ALDH4A1: variants seen among roughly 807,000 people sequenced by gnomAD.
ALDH4A1 encodes the protein delta-1-pyrroline-5-carboxylate dehydrogenase, mitochondrial.
Under a neutral mutation model 70.5 loss-of-function variants are expected in ALDH4A1, and 46 were observed. The observed-to-expected ratio is 0.65, with a 90% CI of 0.51 to 0.83. The LOEUF (loss-of-function observed/expected upper bound fraction) is 0.83. ALDH4A1 is among the 40% of genes least tolerant of loss of function. ALDH4A1 has a pLI of 0.00. For missense variants in ALDH4A1, 749 were observed against 766.5 expected (o/e 0.98, Z 0.27); for synonymous variants, 323 against 324.3 (o/e 1.00, Z 0.04).
In ALDH4A1 at chr1:18,884,767, A is replaced by G. The variant is rs72936439; in HGVS notation, c.453+706T>C. Among the ~76,000 whole-genome samples the G allele has an allele frequency of 9.0e-3, 1,369 of 152,362 alleles. 21 individuals carry two copies. The highest frequency in any genetic ancestry group is 0.031 in the African/African-American group (1,281 of 41,580). On this transcript the variant is annotated intron_variant, in intron 5 of 14. Transcript: ENST00000375341. ...CAACATGCTCTGGGGAAACAGAGGC[A>G]GGAATAGTCCTTTCGGCTGGAGAAG... is the stretch of plus-strand genomic sequence containing the variant.
chr1:18,878,040 AG>A (rs1050145815), intron 9 of ALDH4A1, among the ~76,000 whole-genome samples: 28 of 152,020 alleles, frequency 1.8e-4, no homozygotes, highest in African/African-American at 6.8e-4. Flanking sequence ...GTCGGCTGCC[AG>A]GGTTGGGCCC....
chr1:18,888,515 G>C (rs1342048275), intron 3 of ALDH4A1, among the ~76,000 whole-genome samples: 1 of 152,204 alleles, frequency 6.6e-6, no homozygotes, highest in Non-Finnish European at 1.5e-5. Context: ...TCAGAATGCC[G>C]GAGCCTCGCT....
At chr1:18,892,505 G>A (rs1019859765) in intron 1 of ALDH4A1, among the ~76,000 whole-genome samples, 1 of 150,928 alleles carries the variant, frequency 6.6e-6, no homozygotes, top group Non-Finnish European at 1.5e-5. Flanking sequence ...CCCTGAGAGG[G>A]ACTTAAAGGA....
intron 3 of ALDH4A1, among the ~76,000 whole-genome samples, chr1:18,889,035 G>T (rs984337296): frequency 1.3e-5 from 2 of 152,226 alleles, no homozygotes; most frequent in African/African-American, 4.8e-5. Context: ...GCCATCTGAG[G>T]TGCTCGGGGC....
intron 10 of ALDH4A1, 72 bp downstream of exon 10, chr1:18,877,344 A>G: frequency 6.4e-7 from 1 of 1,554,208 alleles, no homozygotes; most frequent in Non-Finnish European, 8.7e-7. Flanking sequence ...CCCCGGCTGC[A>G]GAGGAGCCTC....
At position 18,883,110 on chromosome 1, in the gene ALDH4A1, T is replaced by C. The variant is rs1935049418; in HGVS notation, c.678+14A>G. On this transcript the variant is annotated intron_variant, in intron 7 of 14. Coordinates refer to ENST00000375341, the MANE Select transcript of ALDH4A1 (RefSeq NM_003748.4). ...CAACCAGCTGCCGCTGTCCCACCTG[T>C]GCCCACATCTCACCATCAGGGCCGG... 1.9e-6 allele frequency: 3 copies of C among 1,612,980 alleles called. No individual in the cohort carries two copies.
chr1:18,880,289 C>A lies in ALDH4A1; in HGVS notation c.867-916G>T, dbSNP rs868432239. ...CCTCCAGGCATCTCCACCCAGATAA[C>A]ACCCGAAGTGACCAACAGGAGATTC... On this transcript the variant is annotated intron_variant, in intron 8 of 14. Coordinates refer to ENST00000375341, the MANE Select transcript of ALDH4A1 (RefSeq NM_003748.4). The surrounding 1 kb of genome is among the most constrained non-coding windows in gnomAD (Gnocchi z 5.1). Among the ~76,000 whole-genome samples the A allele has an allele frequency of 8.5e-5, 13 of 152,266 alleles. No individual in the cohort carries two copies. The highest frequency in any genetic ancestry group is 3.1e-4 in the African/African-American group (13 of 41,546).
rs1238453927 is a variant in ALDH4A1, at chr1:18,889,541, G to A, written c.157-87C>T. The A allele has an allele frequency of 2.4e-6, 3 of 1,234,566 alleles. No homozygotes were observed. The African/African-American group carries it at 4.5e-5, about 18-fold the overall frequency. 76.5% of individuals were successfully genotyped at this position (1,234,566 alleles called of 1,614,324 possible). On this transcript the variant is annotated intron_variant, in intron 2 of 14. Coordinates refer to ENST00000375341, the MANE Select transcript of ALDH4A1 (RefSeq NM_003748.4). Reference sequence around the variant, plus strand: ...CCTAACGCAGAGTCCACAGACGGAGGTGCCCAGGCAATACAGAAATGAGAA... The same window carrying A: ...CCTAACGCAGAGTCCACAGACGGAGATGCCCAGGCAATACAGAAATGAGAA...
rs369715510 is a variant in ALDH4A1 at position 18,872,817 on chromosome 1, C to G, written c.*28G>C. ...GAGGTCGGCCACCTGGACGGACAGA[C>G]AGCTGGACGGTGGAGCCCGAGAGGG... On this transcript the variant is annotated 3_prime_UTR_variant, in exon 15 of 15. Transcript: ENST00000375341. 6 of 1,592,764 alleles carry G rather than the reference C, an allele frequency of 3.8e-6. No individual in the cohort carries two copies. In the Admixed American group the frequency reaches 6.7e-5, roughly 18 times the overall value.
rs911893862 is a variant in ALDH4A1, at chr1:18,880,252, G to T, written c.867-879C>A. 6.7e-4 allele frequency among the ~76,000 whole-genome samples: 1 copy of T among 1,500 alleles called. No homozygotes were observed. The highest frequency in any genetic ancestry group is 0.12 in the East Asian group (1 of 8). The allele number at this position is 1,500 out of a possible 152,430, so 1.0% of individuals were successfully genotyped here. A position where few individuals can be genotyped will look rare whatever the true frequency, so the allele number is the denominator to read the frequency against. On this transcript the variant is annotated intron_variant, in intron 8 of 14. Coordinates refer to ENST00000375341, the MANE Select transcript of ALDH4A1 (RefSeq NM_003748.4). The surrounding 1 kb of genome is among the most constrained non-coding windows in gnomAD (Gnocchi z 5.1). ...AGAAGGACCCTGAGCTGCAGACCCG[G>T]GCGTCTGGCTGCCTCCAGGCATCTC...
chr1:18,876,188 T>TC (rs1301196690), intron 12 of ALDH4A1, 127 bp downstream of exon 12: 1 of 1,293,084 alleles, frequency 7.7e-7, no homozygotes, highest in Non-Finnish European at 1.1e-6. Context: ...TCGGAGGCAT[T>TC]CCCTTTTAGG....
chr1:18,883,985 G>A (rs1028449359), intron 5 of ALDH4A1, among the ~76,000 whole-genome samples: 1 of 152,228 alleles, frequency 6.6e-6, no homozygotes, highest in Non-Finnish European at 1.5e-5. Context: ...GCAAATGTGA[G>A]CTGCAGGGAA....
Position 18,883,176 on chromosome 1 carries a change from G to A in ALDH4A1, c.626C>T (p.Pro209Leu). 1 of 1,613,186 alleles carries A rather than the reference G, an allele frequency of 6.2e-7. No individual in the cohort carries two copies. Among genetic ancestry groups the A allele is most frequent in the Non-Finnish European group, 8.5e-7 (1 of 1,180,046 alleles). Reference protein sequence around the residue: ...GLEGFVAAISPFNFTAIGGNL... With the variant: ...GLEGFVAAISLFNFTAIGGNL... ...GCCGCCGATTGCAGTGAAGTTAAAG[G>A]GCGAGATGGCCGCCACGAAGCCCTG... Residue 209 changes from proline to leucine, a missense_variant, in exon 7 of 15, where the codon CCC becomes CTC. Pro to Leu is a moderately conservative substitution (Grantham distance 98). Transcript: ENST00000375341.
chr1:18,877,224 G>A lies in ALDH4A1; in HGVS notation c.1169C>T (p.Ala390Val), dbSNP rs1446786758. 3 of 1,608,580 alleles carry A rather than the reference G, an allele frequency of 1.9e-6. No individual in the cohort carries two copies. Among genetic ancestry groups the A allele is most frequent in the Non-Finnish European group, 2.5e-6 (3 of 1,177,380 alleles). The change falls in exon 11 of 15, where the codon GCA (alanine) becomes GTA (valine). Residue 390 changes from alanine (A) to valine (V), a missense_variant. Transcript: ENST00000375341. ...ACCCCGTACCTTGGCATCAATCACTGCAGAGAAGAAGGTCCCAAAATCCTC... is the reference window on the plus strand; with the variant it reads ...ACCCCGTACCTTGGCATCAATCACTACAGAGAAGAAGGTCCCAAAATCCTC... ...PAEDFGTFFS[A>V]VIDAKSFARI...
intron 1 of ALDH4A1, among the ~76,000 whole-genome samples, chr1:18,897,542 CA>C (rs34867193): frequency 2.8e-4 from 42 of 152,094 alleles, no homozygotes; most frequent in African/African-American, 9.2e-4. Flanking sequence ...GACTCCGTCT[CA>C]AAAAAACAAA....
chr1:18,876,392 A>G lies in ALDH4A1; in HGVS notation c.1261T>C (p.Cys421Arg), dbSNP rs149414160. 2,089 of 1,613,456 alleles carry G rather than the reference A, an allele frequency of 1.3e-3. 7 individuals are homozygous for G. Among genetic ancestry groups the G allele is most frequent in the South Asian group, 3.1e-3 (283 of 91,046 alleles). Reference protein sequence around the residue: ...PSLTILAGGKCDDSVGYFVEP... With the variant: ...PSLTILAGGKRDDSVGYFVEP... The stretch of plus-strand genomic sequence containing the variant: ...ACAAAGTAGCCCACGGAGTCATCAC[A>G]CTTGCCCCCGGCCAGGATGGTGAGG... The change falls in exon 12 of 15, where the codon TGT becomes CGT. Residue 421 changes from cysteine (C) to arginine (R), a missense_variant. Coordinates refer to ENST00000375341, the MANE Select transcript of ALDH4A1 (RefSeq NM_003748.4).
intron 9 of ALDH4A1, 134 bp from the exon 10 acceptor site, chr1:18,877,746 T>TC: frequency 1.8e-6 from 2 of 1,091,828 alleles, no homozygotes; most frequent in Non-Finnish European, 2.6e-6. Flanking sequence ...GGGCGGAGGC[T>TC]CAGAGTGAGC....
chr1:18,896,383 G>A lies in ALDH4A1; in HGVS notation c.62+6079C>T, dbSNP rs542102652. 3.9e-5 allele frequency among the ~76,000 whole-genome samples: 6 copies of A among 152,326 alleles called. No homozygotes were observed. In the East Asian group the frequency reaches 7.7e-4, roughly 20 times the overall value. On this transcript the variant is annotated intron_variant, in intron 1 of 14. Coordinates refer to ENST00000375341, the MANE Select transcript of ALDH4A1 (RefSeq NM_003748.4). ...TGCTCTTCTGCTATCACCTGGGGCT[G>A]GACACTGGCCCCTTGGGTTCCCCAG...
chr1:18,891,695 G>A (rs971749271), intron 1 of ALDH4A1, among the ~76,000 whole-genome samples: 22 of 152,144 alleles, frequency 1.4e-4, no homozygotes, highest in African/African-American at 5.3e-4. Flanking sequence ...CTTTGTGGGT[G>A]GCACAGAGAC....
Sources: gnomAD v4.1 joint callset for allele counts (sites outside exome capture counted in the v4.1 genomes callset) on GRCh38, gnomAD v4.1.1 for gene constraint, Gnocchi (gnomAD v3.1) non-coding constraint, MANE v1.5 for transcripts, NCBI Gene and HGNC (gene_info 2026-07-23, HGNC 2026-07-21) for gene names.